The following GLI3 variants were observed in gnomAD, a reference collection of about 807,000 sequenced individuals.
GLI3 encodes GLI family zinc finger 3, also known as transcription activator GLI3.
Under a neutral mutation model 100.8 loss-of-function variants are expected in GLI3, and 20 were observed. That is an observed-to-expected ratio of 0.20 (90% confidence interval 0.14 to 0.29). The LOEUF is 0.29. GLI3 is among the 10% of genes least tolerant of loss of function. The probability of loss-of-function intolerance (pLI) is 1.00; values close to 1 mark genes in which losing one functional copy is unlikely to be tolerated. For missense variants in GLI3, 2,040 were observed against 2,128.5 expected, an observed-to-expected ratio of 0.96 and a Z score of 0.82; for synonymous variants, 938 against 860.5, an observed-to-expected ratio of 1.09 and a Z score of -1.58.
chr7:42,176,536 C>T lies in GLI3; in HGVS notation c.125-28068G>A, dbSNP rs1787483618. On this transcript the variant is annotated intron_variant, in intron 2 of 14. Transcript: ENST00000395925. ...TGCCCAGAGAGGCACAAGCCCATGG[C>T]TTGCACAAATAGCGGGATTGCCAAC... Among the ~76,000 whole-genome samples, 3 of 152,360 alleles carry T rather than the reference C, an allele frequency of 2.0e-5. No individual in the cohort carries two copies. In the South Asian group the frequency reaches 6.2e-4, roughly 32 times the overall value.
intron 1 of GLI3, among the ~76,000 whole-genome samples, chr7:42,243,845 G>A (rs1788947070): frequency 6.6e-6 from 1 of 152,112 alleles, no homozygotes; most frequent in Admixed American, 6.6e-5. Flanking sequence ...TGTTGTTGTT[G>A]TTGTTTGAGA....
chr7:42,139,791 C>A (rs1252691119), intron 3 of GLI3, among the ~76,000 whole-genome samples: 1 of 152,188 alleles, frequency 6.6e-6, no homozygotes, highest in Admixed American at 6.5e-5. Context: ...CTGTGACCTG[C>A]GATGGAGTCG....
intron 3 of GLI3, among the ~76,000 whole-genome samples, chr7:42,078,505 C>A (rs1353397205): frequency 6.6e-6 from 1 of 152,182 alleles, no homozygotes; most frequent in Non-Finnish European, 1.5e-5. Context: ...ACCACCAGAT[C>A]TAGAATCTAG....
chr7:42,150,046 A>G (rs1471806063), intron 2 of GLI3: 10 of 152,230 alleles, frequency 6.6e-5, no homozygotes, highest in Admixed American at 6.5e-4. Context: ...CAGAACAGAA[A>G]AGACAATGAG....
At chr7:42,091,095 A>G (rs1490406995) in intron 3 of GLI3, among the ~76,000 whole-genome samples, 2 of 152,212 alleles carry the variant, frequency 1.3e-5, no homozygotes, top group Non-Finnish European at 2.9e-5. Context: ...TGTTACGCGC[A>G]GTAGCCGTCT....
rs978431561 is a variant in GLI3, at chr7:41,966,105, G to A, written c.2968C>T (p.Arg990Cys). 2 of 1,571,118 alleles carry A rather than the reference G, an allele frequency of 1.3e-6. No individual in the cohort carries two copies. Among genetic ancestry groups the A allele is most frequent in the African/African-American group, 1.4e-5 (1 of 74,064 alleles). ...SDGGAHGYGRRHLQPHDAPGH... is the reference protein window; with the variant it reads ...SDGGAHGYGRCHLQPHDAPGH... ...GGCGCATCGTGCGGCTGCAGGTGGCGCCGCCCGTAGCCGTGGGCTCCCCCG... is the reference window on the plus strand; with the variant it reads ...GGCGCATCGTGCGGCTGCAGGTGGCACCGCCCGTAGCCGTGGGCTCCCCCG... Residue 990 changes from arginine (R) to cysteine (C), a missense_variant, in exon 15 of 15, where the codon CGC becomes TGC. Transcript: ENST00000395925. The surrounding 1 kb of genome is among the most constrained non-coding windows in gnomAD (Gnocchi z 5.8).
At chr7:42,103,181 T>C (rs1420971569) in intron 3 of GLI3, among the ~76,000 whole-genome samples, 1 of 152,138 alleles carries the variant, frequency 6.6e-6, no homozygotes, top group Non-Finnish European at 1.5e-5. Flanking sequence ...AGTGTCCTCA[T>C]GGCATGGCCA....
chr7:42,017,602 G>C (rs1788804080), intron 10 of GLI3, among the ~76,000 whole-genome samples: 1 of 152,164 alleles, frequency 6.6e-6, no homozygotes, highest in Non-Finnish European at 1.5e-5. Context: ...TACCATCCCT[G>C]TCCTAAGGAC....
chr7:42,027,030 T>G (rs993563715), intron 7 of GLI3, among the ~76,000 whole-genome samples: 1 of 152,250 alleles, frequency 6.6e-6, no homozygotes, highest in Non-Finnish European at 1.5e-5. Flanking sequence ...TGGGCTTCGA[T>G]GGAGGAATAT....
chr7:42,037,317 T>C lies in GLI3; in HGVS notation c.1028+2721A>G, dbSNP rs763913161. On this transcript the variant is annotated intron_variant, in intron 7 of 14. Transcript: ENST00000395925. Reference sequence around the variant, plus strand: ...TTCGCTGTTGAGAAAGTTAGTTACCTTTTCTAGATGTCTCCTTGCTTCTTT... The same window carrying C: ...TTCGCTGTTGAGAAAGTTAGTTACCCTTTCTAGATGTCTCCTTGCTTCTTT... Among the ~76,000 whole-genome samples the C allele has an allele frequency of 7.9e-5, 12 of 152,182 alleles. No individual in the cohort carries two copies. The East Asian group carries it at 2.3e-3, about 29-fold the overall frequency.
intron 1 of GLI3, among the ~76,000 whole-genome samples, chr7:42,261,939 TTTC>T (rs533386375): frequency 2.1e-5 from 3 of 145,518 alleles, no homozygotes; most frequent in East Asian, 4.1e-4. Context: ...TCTTTCTTCT[TTTC>T]TTTTCTTTCC....
At chr7:42,179,205 A>G (rs1379319948) in intron 2 of GLI3, among the ~76,000 whole-genome samples, 3 of 152,156 alleles carry the variant, frequency 2.0e-5, no homozygotes, top group African/African-American at 7.2e-5. Flanking sequence ...GTCTGCTGCC[A>G]TGTGAGATGT....
At chr7:42,154,360 G>T (rs961418129) in intron 2 of GLI3, among the ~76,000 whole-genome samples, 2 of 152,118 alleles carry the variant, frequency 1.3e-5, no homozygotes, top group East Asian at 3.9e-4. Flanking sequence ...CAGGGGCTTT[G>T]TGTGTTCCAG....
intron 7 of GLI3, among the ~76,000 whole-genome samples, chr7:42,027,826 C>T (rs1306941891): frequency 6.6e-6 from 1 of 152,108 alleles, no homozygotes; most frequent in East Asian, 1.9e-4. Flanking sequence ...GTGGTGAAAA[C>T]AGTCATTGTT....
chr7:42,028,320 T>A (rs1789181805), intron 7 of GLI3, among the ~76,000 whole-genome samples: 1 of 152,190 alleles, frequency 6.6e-6, no homozygotes, highest in African/African-American at 2.4e-5. Context: ...GAAGGTCATT[T>A]ATACTTCTAA....
chr7:42,101,654 G>A (rs963212696), intron 3 of GLI3, among the ~76,000 whole-genome samples: 3 of 142,880 alleles, frequency 2.1e-5, no homozygotes, highest in Admixed American at 7.0e-5. Context: ...GCTGAATTTC[G>A]TTTGCTAGTA....
intron 10 of GLI3, among the ~76,000 whole-genome samples, chr7:42,002,981 C>T (rs568753815): frequency 2.0e-5 from 3 of 152,268 alleles, no homozygotes; most frequent in African/African-American, 7.2e-5. Flanking sequence ...CACTAGTTGC[C>T]TAATATTAGT....
chr7:42,083,191 C>T (rs1583541478), intron 3 of GLI3, among the ~76,000 whole-genome samples: 1 of 152,194 alleles, frequency 6.6e-6, no homozygotes, highest in African/African-American at 2.4e-5. Flanking sequence ...CCCTGCTCAA[C>T]CCCCACTATC....
chr7:42,253,681 C>T (rs1789056229), intron 1 of GLI3, among the ~76,000 whole-genome samples: 1 of 152,200 alleles, frequency 6.6e-6, no homozygotes, highest in Non-Finnish European at 1.5e-5. Context: ...TTCTATTTCC[C>T]AGCTTTCTCA....
Sources: allele counts gnomAD v4.1 joint callset (sites outside exome capture counted in the v4.1 genomes callset), GRCh38; gene constraint gnomAD v4.1.1; non-coding constraint Gnocchi (gnomAD v3.1); transcripts MANE v1.5; gene names NCBI Gene and HGNC (gene_info 2026-07-23, HGNC 2026-07-21).